Variants in ERC1 observed in about 807,000 individuals in gnomAD.
ERC1 encodes RAB6 interacting protein 2.
A neutral mutation model predicts 132.0 loss-of-function variants in ERC1; 56 were observed. The observed-to-expected ratio is 0.42, with a 90% confidence interval of 0.34 to 0.53. ERC1 has a LOEUF of 0.53. Among genes scored for constraint, ERC1 ranks in the 20% least tolerant of loss-of-function variants. The pLI is 0.03. For synonymous variants in ERC1, 478 were observed against 476.1 expected (o/e 1.00, Z -0.05); for missense variants, 1,202 against 1,349.9 (o/e 0.89, Z 1.72).
chr12:1,328,236 T>A (rs944417292), intron 15 of ERC1, among the ~76,000 whole-genome samples: 19 of 152,074 alleles, frequency 1.2e-4, no homozygotes, highest in Non-Finnish European at 2.6e-4. Flanking sequence ...AACCTCAACC[T>A]CCCAGGCTCA....
intron 15 of ERC1, among the ~76,000 whole-genome samples, chr12:1,320,370 G>A (rs2082031332): frequency 6.6e-6 from 1 of 152,096 alleles, no homozygotes; most frequent in Non-Finnish European, 1.5e-5. Context: ...AGGTGTAGTG[G>A]ATACTATCCA....
intron 3 of ERC1, among the ~76,000 whole-genome samples, chr12:1,103,400 G>A (rs562896744): frequency 2.0e-5 from 3 of 152,268 alleles, no homozygotes; most frequent in African/African-American, 7.2e-5. Flanking sequence ...TTTCAGCAGA[G>A]GACTGACAAG....
chr12:1,399,087 A>G (rs1448999680), intron 16 of ERC1, among the ~76,000 whole-genome samples: 1 of 151,484 alleles, frequency 6.6e-6, no homozygotes, highest in Non-Finnish European at 1.5e-5. Flanking sequence ...CTGGGACTAC[A>G]CACAGGCATG....
chr12:1,357,704 G>A (rs2085678486), intron 15 of ERC1, among the ~76,000 whole-genome samples: 1 of 152,184 alleles, frequency 6.6e-6, no homozygotes, highest in Non-Finnish European at 1.5e-5. Context: ...AAAACATGAA[G>A]CGTAAAGGAC....
intron 16 of ERC1, among the ~76,000 whole-genome samples, chr12:1,403,252 G>A (rs1169283498): frequency 6.6e-6 from 1 of 151,254 alleles, no homozygotes; most frequent in Non-Finnish European, 1.5e-5. Context: ...TATTCTTTAT[G>A]TCGTTGGGAC....
At chr12:1,423,107 C>T (rs1222194826) in intron 17 of ERC1, among the ~76,000 whole-genome samples, 2 of 152,188 alleles carry the variant, frequency 1.3e-5, no homozygotes, top group Non-Finnish European at 2.9e-5. Context: ...CAATCAGAAA[C>T]CACCAACTAA....
rs2094325504 is a variant in ERC1 at position 1,492,381 on chromosome 12, A to T, written c.*2151A>T. On this transcript the variant is annotated 3_prime_UTR_variant, in exon 19 of 19. Transcript: ENST00000360905. ...CCATAACGTAAAGAACTGCGGTGTGATAACAGCCTTCACGGGGCCACGGTG... is the reference window on the plus strand; with the variant it reads ...CCATAACGTAAAGAACTGCGGTGTGTTAACAGCCTTCACGGGGCCACGGTG... The T allele has an allele frequency of 4.3e-6, 1 of 233,148 alleles. No individual in the cohort carries two copies. The highest frequency in any genetic ancestry group is 5.6e-5 in the Admixed American group (1 of 17,778). The allele number at this position is 233,148 out of a possible 1,614,324, so 14.4% of individuals were successfully genotyped here.
intron 18 of ERC1, among the ~76,000 whole-genome samples, chr12:1,488,140 G>A (rs112799462): frequency 0.12 from 8,226 of 66,748 alleles, 655 homozygotes; most frequent in African/African-American, 0.31. Context: ...TCACGTCTCA[G>A]AAAAAAAAAA....
chr12:1,310,491 G>T (rs1213918462), intron 15 of ERC1, among the ~76,000 whole-genome samples: 1 of 152,162 alleles, frequency 6.6e-6, no homozygotes, highest in Admixed American at 6.5e-5. Flanking sequence ...TTACAGGCAG[G>T]AGCCACACCG....
intron 15 of ERC1, among the ~76,000 whole-genome samples, chr12:1,331,162 CAGTG>C (rs755470233): frequency 2.0e-5 from 3 of 152,218 alleles, no homozygotes; most frequent in Admixed American, 6.5e-5. Flanking sequence ...TGCTTCCCTC[CAGTG>C]AGTAACACCT....
chr12:1,178,458 T>C (rs974886039), intron 8 of ERC1, among the ~76,000 whole-genome samples: 1 of 152,160 alleles, frequency 6.6e-6, no homozygotes, highest in African/African-American at 2.4e-5. Flanking sequence ...TTACATATGG[T>C]TTCATACACT....
rs569086485 is a variant in ERC1, at chr12:1,358,607, T to C, written c.2781-13226T>C. On this transcript the variant is annotated intron_variant, in intron 15 of 18. Transcript: ENST00000360905. Reference sequence around the variant, plus strand: ...CTGGAGTAGAGCACAGACTTCCATTTTGAATAATTTCTTTCATGTTTGAGA... The same window carrying C: ...CTGGAGTAGAGCACAGACTTCCATTCTGAATAATTTCTTTCATGTTTGAGA... Among the ~76,000 whole-genome samples the C allele has an allele frequency of 2.0e-5, 3 of 152,290 alleles. No homozygotes were observed. In the South Asian group the frequency reaches 6.2e-4, roughly 32 times the overall value.
At chr12:1,378,782 A>G (rs1210499869) in intron 16 of ERC1, among the ~76,000 whole-genome samples, 1 of 152,234 alleles carries the variant, frequency 6.6e-6, no homozygotes, top group African/African-American at 2.4e-5. Context: ...CAGGAAGTTA[A>G]GACTTAAAAT....
At chr12:1,305,409 T>G (rs1036955491) in intron 15 of ERC1, among the ~76,000 whole-genome samples, 2 of 152,204 alleles carry the variant, frequency 1.3e-5, no homozygotes, top group Non-Finnish European at 2.9e-5. Flanking sequence ...TGACTTTCTT[T>G]AACTTTATGC....
intron 12 of ERC1, among the ~76,000 whole-genome samples, chr12:1,196,248 C>T (rs1228204529): frequency 6.6e-6 from 1 of 152,078 alleles, no homozygotes; most frequent in African/African-American, 2.4e-5. Context: ...TTGTTTCTGC[C>T]TCCACCTCAT....
intron 4 of ERC1, among the ~76,000 whole-genome samples, chr12:1,109,419 C>T (rs549144814): frequency 3.3e-5 from 5 of 152,238 alleles, no homozygotes; most frequent in South Asian, 2.1e-4. Flanking sequence ...TAGCTGTACA[C>T]GTTACTGTAT....
chr12:1,247,713 C>T (rs991212961), intron 13 of ERC1, among the ~76,000 whole-genome samples: 1 of 152,146 alleles, frequency 6.6e-6, no homozygotes, highest in Non-Finnish European at 1.5e-5. Context: ...TGTAGCTGAT[C>T]AGGCCGGGCA....
chr12:1,091,085 C>T (rs559583463), intron 3 of ERC1, among the ~76,000 whole-genome samples: 7 of 152,186 alleles, frequency 4.6e-5, no homozygotes, highest in Non-Finnish European at 8.8e-5. Context: ...GATGGGGTTT[C>T]GCCATGTTGG....
At chr12:1,418,237 G>T (rs1483769208) in intron 17 of ERC1, among the ~76,000 whole-genome samples, 1 of 152,170 alleles carries the variant, frequency 6.6e-6, no homozygotes, top group Non-Finnish European at 1.5e-5. Context: ...CCAAAATATG[G>T]CACGTTGGCA....
Sources: allele counts gnomAD v4.1 joint callset (sites outside exome capture counted in the v4.1 genomes callset), GRCh38; gene constraint gnomAD v4.1.1; transcripts MANE v1.5; gene names NCBI Gene and HGNC (gene_info 2026-07-23, HGNC 2026-07-21).